KIAA0319L: variants seen among roughly 807,000 people sequenced by gnomAD.
KIAA0319L encodes dyslexia-associated protein KIAA0319-like protein.
A neutral mutation model predicts 120.1 loss-of-function variants in KIAA0319L; 55 were observed. That is an observed-to-expected ratio of 0.46 (90% CI 0.37 to 0.57). KIAA0319L has a LOEUF of 0.57. KIAA0319L is among the 20% of genes least tolerant of loss of function. KIAA0319L has a pLI of 0.00. For missense variants in KIAA0319L, 1,049 were observed against 1,255.3 expected (o/e 0.84, Z 2.48); for synonymous variants, 398 against 471.9 (o/e 0.84, Z 2.03).
intron 3 of KIAA0319L, among the ~76,000 whole-genome samples, chr1:35,480,748 G>A (rs1272471533): frequency 1.3e-5 from 2 of 151,680 alleles, no homozygotes; most frequent in South Asian, 2.1e-4. Flanking sequence ...TCATGCCACT[G>A]TACCTCAGCC....
intron 6 of KIAA0319L, among the ~76,000 whole-genome samples, chr1:35,470,101 C>T (rs1217840337): frequency 1.3e-5 from 2 of 152,024 alleles, no homozygotes; most frequent in Non-Finnish European, 2.9e-5. Context: ...CTCGTGGCCT[C>T]AAGCAGTTGT....
chr1:35,450,416 T>C lies in KIAA0319L; in HGVS notation c.2156A>G (p.Asp719Gly). ...GAGGTAGCTGACTATTCCCTTGTCA[T>C]CTGAGGACTTAGAGCCATCCAGCTC... ...TAELDGSKSSDDKGIVSYLWT... is the reference protein window; with the variant it reads ...TAELDGSKSSGDKGIVSYLWT... Residue 719 changes from aspartate (D) to glycine (G), a missense_variant, in exon 14 of 21, where the codon GAT becomes GGT. Physicochemically the swap from Asp to Gly is moderately conservative, Grantham distance 94. Coordinates refer to ENST00000325722, the MANE Select transcript of KIAA0319L (RefSeq NM_024874.5). The C allele has an allele frequency of 1.2e-6, 2 of 1,614,184 alleles. No individual in the cohort carries two copies. Among genetic ancestry groups the C allele is most frequent in the Non-Finnish European group, 1.7e-6 (2 of 1,179,996 alleles).
chr1:35,463,510 T>C (rs1232468095), intron 7 of KIAA0319L, among the ~76,000 whole-genome samples: 1 of 152,204 alleles, frequency 6.6e-6, no homozygotes, highest in East Asian at 1.9e-4. Flanking sequence ...GAACTAACTA[T>C]GGGTTAAGTG....
chr1:35,535,977 T>C (rs1279135731), intron 2 of KIAA0319L, among the ~76,000 whole-genome samples: 3 of 152,196 alleles, frequency 2.0e-5, no homozygotes, highest in Admixed American at 2.0e-4. Context: ...TTTGTGGGAT[T>C]TTTTCTATAC....
chr1:35,520,449 A>G (rs1019123670), intron 2 of KIAA0319L, among the ~76,000 whole-genome samples: 1 of 152,000 alleles, frequency 6.6e-6, no homozygotes, highest in Non-Finnish European at 1.5e-5. Context: ...ACTGAAGTGC[A>G]GTGGTGCAAT....
chr1:35,553,279 T>A (rs562293460), intron 2 of KIAA0319L, among the ~76,000 whole-genome samples: 1 of 152,166 alleles, frequency 6.6e-6, no homozygotes, highest in Non-Finnish European at 1.5e-5. Context: ...ATCAATTACT[T>A]ATTTAATTCT....
At position 35,506,361 on chromosome 1, in the gene KIAA0319L, T is replaced by C. The variant is rs1020177616; in HGVS notation, c.666+251A>G. On this transcript the variant is annotated intron_variant, in intron 3 of 20. Coordinates refer to ENST00000325722, the MANE Select transcript of KIAA0319L (RefSeq NM_024874.5). The surrounding 1 kb of genome is among the most constrained non-coding windows in gnomAD (Gnocchi z 4.0). ...TACTTACCTGTAGCCAAGAACCAGCTTAGACTAGATAATGAGCAGCTTTCT... is the reference window on the plus strand; with the variant it reads ...TACTTACCTGTAGCCAAGAACCAGCCTAGACTAGATAATGAGCAGCTTTCT... Among the ~76,000 whole-genome samples the C allele has an allele frequency of 2.0e-5, 3 of 152,134 alleles. No homozygotes were observed. The highest frequency in any genetic ancestry group is 7.2e-5 in the African/African-American group (3 of 41,434).
rs547517585 is a variant in KIAA0319L at position 35,519,327 on chromosome 1, A to G, written c.143-12192T>C. ...ATATTTGTTTAAAAAAAATAAAATAAAAGTGATTCAGTACAGTGAAATAAA... is the reference window on the plus strand; with the variant it reads ...ATATTTGTTTAAAAAAAATAAAATAGAAGTGATTCAGTACAGTGAAATAAA... On this transcript the variant is annotated intron_variant, in intron 2 of 20. Coordinates refer to ENST00000325722, the MANE Select transcript of KIAA0319L (RefSeq NM_024874.5). Among the ~76,000 whole-genome samples the G allele has an allele frequency of 6.5e-3, 993 of 152,288 alleles. 4 individuals are homozygous for G. The highest frequency in any genetic ancestry group is 9.8e-3 in the Non-Finnish European group (665 of 68,024).
chr1:35,516,188 C>A (rs753423000), intron 2 of KIAA0319L, among the ~76,000 whole-genome samples: 1 of 151,986 alleles, frequency 6.6e-6, no homozygotes, highest in African/African-American at 2.4e-5. Context: ...AACTTCTCCC[C>A]AACTCAATCC....
At chr1:35,470,257 C>T (rs1643533905) in intron 6 of KIAA0319L, among the ~76,000 whole-genome samples, 1 of 152,002 alleles carries the variant, frequency 6.6e-6, no homozygotes, top group South Asian at 2.1e-4. Context: ...CTTTGGAAGG[C>T]TGAGATGGGA....
chr1:35,442,848 A>G, intron 18 of KIAA0319L, 58 bp downstream of exon 18: 1 of 1,607,762 alleles, frequency 6.2e-7, no homozygotes, highest in South Asian at 1.1e-5. Context: ...CCACCCACTC[A>G]GTGCAGAACC....
At chr1:35,517,493 G>C (rs1768552) in intron 2 of KIAA0319L, among the ~76,000 whole-genome samples, 35,037 of 152,124 alleles carry the variant, frequency 0.23, 8,592 homozygotes, top group African/African-American at 0.58. Flanking sequence ...ATGGTGCTGG[G>C]ATAACTGGCT....
intron 7 of KIAA0319L, among the ~76,000 whole-genome samples, chr1:35,464,157 G>T (rs1381886982): frequency 6.6e-6 from 1 of 152,188 alleles, no homozygotes; most frequent in Admixed American, 6.5e-5. Flanking sequence ...CAAAAATGTG[G>T]AAGCAACTTT....
chr1:35,449,319 C>A (rs936646621), intron 15 of KIAA0319L, among the ~76,000 whole-genome samples: 14 of 152,174 alleles, frequency 9.2e-5, no homozygotes, highest in Non-Finnish European at 1.9e-4. Flanking sequence ...AATCTCAAAG[C>A]AAAATAAAAA....
At chr1:35,441,669 C>T (rs1353186994) in intron 19 of KIAA0319L, among the ~76,000 whole-genome samples, 1 of 151,692 alleles carries the variant, frequency 6.6e-6, no homozygotes, top group Non-Finnish European at 1.5e-5. Flanking sequence ...AATGATATTA[C>T]CTATAAAAAT....
At chr1:35,556,696 G>A (rs1648115104) in intron 1 of KIAA0319L, 1 of 152,230 alleles carries the variant, frequency 6.6e-6, no homozygotes. Flanking sequence ...TCCCGCCAGA[G>A]GTTATCAATT....
chr1:35,483,369 CT>C (rs1644249669), intron 3 of KIAA0319L, among the ~76,000 whole-genome samples: 1 of 152,158 alleles, frequency 6.6e-6, no homozygotes, highest in Non-Finnish European at 1.5e-5. Flanking sequence ...AGTTTTATAG[CT>C]TTTACTCTTA....
chr1:35,492,243 C>A (rs551624645), intron 3 of KIAA0319L, among the ~76,000 whole-genome samples: 1 of 151,912 alleles, frequency 6.6e-6, no homozygotes, highest in Non-Finnish European at 1.5e-5. Context: ...AAGCTGGGCG[C>A]GGAGGCTCAC....
intron 2 of KIAA0319L, among the ~76,000 whole-genome samples, chr1:35,531,229 T>A (rs1028541298): frequency 6.6e-6 from 1 of 152,190 alleles, no homozygotes; most frequent in Non-Finnish European, 1.5e-5. Flanking sequence ...GCAGATTTCA[T>A]ACTCTGGGGA....
Sources: gnomAD v4.1 joint callset for allele counts (sites outside exome capture counted in the v4.1 genomes callset) on GRCh38, gnomAD v4.1.1 for gene constraint, Gnocchi (gnomAD v3.1) non-coding constraint, MANE v1.5 for transcripts, NCBI Gene and HGNC (gene_info 2026-07-23, HGNC 2026-07-21) for gene names.